PRDM5: variants seen among roughly 807,000 people sequenced by gnomAD.
PRDM5 encodes PR domain zinc finger protein 5.
PRDM5 carries 56 observed loss-of-function variants against 81.2 expected under a neutral mutation model. That is an observed-to-expected ratio of 0.69 (90% confidence interval 0.56 to 0.86). The LOEUF is 0.86. Ranked by LOEUF, PRDM5 falls within the 40% of genes least tolerant of loss-of-function variation. PRDM5 has a pLI of 0.00. For synonymous variants in PRDM5, 267 were observed against 256.4 expected, an observed-to-expected ratio of 1.04 and a Z score of -0.39; for missense variants, 697 against 770.1, an observed-to-expected ratio of 0.91 and a Z score of 1.12.
chr4:120,743,617 AG>A (rs1428202582), intron 14 of PRDM5, among the ~76,000 whole-genome samples: 1 of 101,518 alleles, frequency 9.9e-6, no homozygotes, highest in Non-Finnish European at 2.0e-5. Flanking sequence ...AAAAAAAGGC[AG>A]GGGTTGCAAT....
chr4:120,839,291 T>G (rs1278550275), intron 3 of PRDM5: 1 of 702,690 alleles, frequency 1.4e-6, no homozygotes, highest in African/African-American at 1.7e-5. Context: ...CCAGGAAAAA[T>G]GAGGTATACA....
Position 120,764,528 on chromosome 4 carries a change from G to C in PRDM5, c.1538-9890C>G, listed in dbSNP as rs1205123635. 3.3e-5 allele frequency among the ~76,000 whole-genome samples: 5 copies of C among 152,026 alleles called. No individual in the cohort carries two copies. The East Asian group carries it at 5.8e-4, about 18-fold the overall frequency. On this transcript the variant is annotated intron_variant, in intron 13 of 15. Transcript: ENST00000264808. ...GCCAAAATGAATGTCTGTCTCTTAA[G>C]TTGTTAGATATACTTGTCATTAACC...
At chr4:120,801,228 G>T (rs995242070) in intron 8 of PRDM5, among the ~76,000 whole-genome samples, 3 of 152,204 alleles carry the variant, frequency 2.0e-5, no homozygotes, top group Admixed American at 2.0e-4. Flanking sequence ...AGAATAACTA[G>T]GAATAACAGT....
At chr4:120,883,569 C>G (rs908244590) in intron 2 of PRDM5, among the ~76,000 whole-genome samples, 8 of 133,148 alleles carry the variant, frequency 6.0e-5, no homozygotes, top group Non-Finnish European at 1.2e-4. Context: ...ACATCACACA[C>G]CGGTGCCTGT....
At chr4:120,913,520 A>C (rs1766751050) in intron 1 of PRDM5, among the ~76,000 whole-genome samples, 1 of 152,264 alleles carries the variant, frequency 6.6e-6, no homozygotes, top group Non-Finnish European at 1.5e-5. Flanking sequence ...TATGAAATGC[A>C]TCACTTATGA....
At chr4:120,869,597 T>C (rs1761565404) in intron 2 of PRDM5, among the ~76,000 whole-genome samples, 1 of 152,056 alleles carries the variant, frequency 6.6e-6, no homozygotes, top group Non-Finnish European at 1.5e-5. Flanking sequence ...ATTTAGTACA[T>C]AAAAACAACA....
intron 13 of PRDM5, among the ~76,000 whole-genome samples, chr4:120,775,019 T>C (rs1032018040): frequency 2.0e-5 from 3 of 150,628 alleles, no homozygotes; most frequent in African/African-American, 7.3e-5. Flanking sequence ...CACATATATA[T>C]ATAATTTCTT....
chr4:120,824,199 T>C (rs1755657600), intron 3 of PRDM5, among the ~76,000 whole-genome samples: 1 of 152,198 alleles, frequency 6.6e-6, no homozygotes, highest in African/African-American at 2.4e-5. Flanking sequence ...CCCAATGCTC[T>C]GGGACTCAGT....
At chr4:120,875,741 G>T (rs1762275309) in intron 2 of PRDM5, among the ~76,000 whole-genome samples, 1 of 152,006 alleles carries the variant, frequency 6.6e-6, no homozygotes, top group Non-Finnish European at 1.5e-5. Flanking sequence ...GTAGACAGGG[G>T]GCAAAATACA....
At chr4:120,712,367 T>C (rs1306871989) in intron 14 of PRDM5, among the ~76,000 whole-genome samples, 1 of 151,208 alleles carries the variant, frequency 6.6e-6, no homozygotes, top group East Asian at 1.9e-4. Context: ...ATTTTCTCTC[T>C]AGTATCAAAA....
At chr4:120,713,384 G>A (rs1737288702) in intron 14 of PRDM5, among the ~76,000 whole-genome samples, 1 of 151,988 alleles carries the variant, frequency 6.6e-6, no homozygotes, top group Non-Finnish European at 1.5e-5. Context: ...AAGCTTTTTT[G>A]TGATCCAAAG....
At chr4:120,913,544 G>A (rs921251882) in intron 1 of PRDM5, among the ~76,000 whole-genome samples, 6 of 152,166 alleles carry the variant, frequency 3.9e-5, no homozygotes, top group African/African-American at 1.2e-4. Flanking sequence ...AATACAAAAC[G>A]GAAATGCAGA....
intron 14 of PRDM5, among the ~76,000 whole-genome samples, chr4:120,730,336 A>G (rs937531247): frequency 1.3e-5 from 2 of 152,222 alleles, no homozygotes; most frequent in African/African-American, 4.8e-5. Flanking sequence ...CCGTTGCAAT[A>G]TGCATATAAA....
At chr4:120,777,395 TG>T in intron 12 of PRDM5, 114 bp from the exon 13 acceptor site, 1 of 1,519,254 alleles carries the variant, frequency 6.6e-7, no homozygotes, top group Non-Finnish European at 8.9e-7. Flanking sequence ...TTCATTAAAA[TG>T]ATTTAATTTC....
At chr4:120,803,542 G>A (rs959587709) in intron 8 of PRDM5, among the ~76,000 whole-genome samples, 1 of 151,954 alleles carries the variant, frequency 6.6e-6, no homozygotes, top group Non-Finnish European at 1.5e-5. Flanking sequence ...AGAGAGTGAG[G>A]GCCAATATCC....
intron 2 of PRDM5, among the ~76,000 whole-genome samples, chr4:120,863,226 A>G (rs1005455240): frequency 2.0e-4 from 28 of 143,020 alleles, no homozygotes; most frequent in African/African-American, 7.3e-4. Flanking sequence ...ACACACACAC[A>G]TATATATGTA....
rs557954136 is a variant in PRDM5, at chr4:120,693,232, T to C, written c.*1879A>G. The C allele has an allele frequency of 3.9e-5, 6 of 152,202 alleles. No individual in the cohort carries two copies. In the East Asian group the frequency reaches 1.2e-3, roughly 29 times the overall value. 9.4% of individuals were successfully genotyped at this position (152,202 alleles called of 1,614,324 possible). Reference sequence around the variant, plus strand: ...AATTGGAATTTGGACTCCTTTCAAGTTTTACATTCATCACATAATCGGGAT... The same window carrying C: ...AATTGGAATTTGGACTCCTTTCAAGCTTTACATTCATCACATAATCGGGAT... On this transcript the variant is annotated 3_prime_UTR_variant, in exon 16 of 16. Transcript: ENST00000264808.
intron 3 of PRDM5, among the ~76,000 whole-genome samples, chr4:120,835,074 G>C (rs1408966476): frequency 1.3e-5 from 2 of 152,130 alleles, no homozygotes; most frequent in Non-Finnish European, 1.5e-5. Context: ...TAAATCATTT[G>C]AAAAAATTGT....
chr4:120,846,237 T>G (rs1758636606), intron 3 of PRDM5, among the ~76,000 whole-genome samples: 1 of 152,226 alleles, frequency 6.6e-6, no homozygotes, highest in Non-Finnish European at 1.5e-5. Context: ...GACTCCAATT[T>G]TTAAAGTTCT....
Sources: allele counts gnomAD v4.1 joint callset (sites outside exome capture counted in the v4.1 genomes callset), GRCh38; gene constraint gnomAD v4.1.1; transcripts MANE v1.5; gene names NCBI Gene and HGNC (gene_info 2026-07-23, HGNC 2026-07-21).